Variants in ATAD5 observed in about 807,000 individuals in gnomAD.
ATAD5 encodes ATPase family AAA domain-containing protein 5.
A neutral mutation model predicts 176.9 loss-of-function variants in ATAD5; 58 were observed. That is an observed-to-expected ratio of 0.33 (90% CI 0.27 to 0.41). The LOEUF is 0.41. Ranked by LOEUF, ATAD5 falls within the 10% of genes least tolerant of loss-of-function variation. The pLI is 1.00. For synonymous variants in ATAD5, 640 were observed against 712.6 expected (o/e 0.90, Z 1.62); for missense variants, 1,789 against 2,094.1 (o/e 0.85, Z 2.84).
intron 2 of ATAD5, 43 bp downstream of exon 2, chr17:30,836,091 A>G (rs770944295): frequency 2.7e-6 from 4 of 1,459,182 alleles, no homozygotes; most frequent in Admixed American, 4.7e-5. Flanking sequence ...TTCTGCATGT[A>G]TTATTAGCTG....
chr17:30,878,718 G>GGTTT (rs1908812554), intron 17 of ATAD5, among the ~76,000 whole-genome samples: 4 of 56,838 alleles, frequency 7.0e-5, no homozygotes, highest in East Asian at 6.8e-4. Context: ...GTTAGGTGGT[G>GGTTT]TTTTTTTTTT....
chr17:30,885,790 T>C (rs1909293159), intron 18 of ATAD5, among the ~76,000 whole-genome samples: 1 of 151,792 alleles, frequency 6.6e-6, no homozygotes, highest in South Asian at 2.1e-4. Context: ...AGTGCCACCA[T>C]GCCTGGCTAA....
intron 12 of ATAD5, 60 bp from the exon 13 acceptor site, chr17:30,869,188 A>T: frequency 1.3e-6 from 2 of 1,537,326 alleles, no homozygotes; most frequent in South Asian, 2.5e-5. Context: ...ACTGGGTTTC[A>T]TAAGGTAGAA....
At chr17:30,885,518 T>C (rs1909262068) in intron 18 of ATAD5, among the ~76,000 whole-genome samples, 1 of 152,186 alleles carries the variant, frequency 6.6e-6, no homozygotes, top group Admixed American at 6.6e-5. Flanking sequence ...GTACTTGATC[T>C]TAGATGGAAA....
chr17:30,854,233 TTA>T (rs918756977), intron 6 of ATAD5, among the ~76,000 whole-genome samples: 1 of 147,188 alleles, frequency 6.8e-6, no homozygotes, highest in African/African-American at 2.5e-5. Context: ...AATTATATAA[TTA>T]TATTTTATAG....
In ATAD5 at chr17:30,834,993, T is replaced by C. The variant is rs1320552096; in HGVS notation, c.912T>C (p.Tyr304=). 1.2e-6 allele frequency: 2 copies of C among 1,614,036 alleles called. No individual in the cohort carries two copies. The highest frequency in any genetic ancestry group is 2.2e-5 in the South Asian group (2 of 91,040). ...TCGACGAAATAGTCAAAAGTGGTTATATAAGTGAATCAGAAAACTCCGAAA... is the reference window on the plus strand; with the variant it reads ...TCGACGAAATAGTCAAAAGTGGTTACATAAGTGAATCAGAAAACTCCGAAA... ...ETVDEIVKSG[Y]ISESENSEIS... is the part of the protein sequence containing the mutation. The change falls in exon 2 of 23, where the codon TAT becomes TAC. Residue 304 remains tyrosine, a synonymous_variant. Transcript: ENST00000321990.
In ATAD5 at chr17:30,895,287, T is replaced by A. The variant is rs1035587397; in HGVS notation, c.*374T>A. ...CTAACATTAGTGTCACTAAAGTTGG[T>A]ATACAATCTCCCACTGCTAAATTTG... On this transcript the variant is annotated 3_prime_UTR_variant, in exon 23 of 23. Transcript: ENST00000321990. 3.2e-5 allele frequency: 5 copies of A among 156,548 alleles called. No individual in the cohort carries two copies. Among genetic ancestry groups the A allele is most frequent in the Non-Finnish European group, 5.6e-5 (4 of 71,178 alleles). The allele number at this position is 156,548 out of a possible 1,614,324, so 9.7% of individuals were successfully genotyped here. A position where few individuals can be genotyped will look rare whatever the true frequency, so the allele number is the denominator to read the frequency against.
intron 10 of ATAD5, among the ~76,000 whole-genome samples, chr17:30,863,336 C>T (rs1171307421): frequency 6.6e-6 from 1 of 151,822 alleles, no homozygotes; most frequent in East Asian, 1.9e-4. Flanking sequence ...GCTGGGATTA[C>T]AGGAGCCCAC....
At chr17:30,892,145 C>A (rs1477094611) in intron 19 of ATAD5, among the ~76,000 whole-genome samples, 1 of 151,980 alleles carries the variant, frequency 6.6e-6, no homozygotes, top group Non-Finnish European at 1.5e-5. Flanking sequence ...ATGCTTATGG[C>A]CAGGCGCAGT....
intron 6 of ATAD5, among the ~76,000 whole-genome samples, chr17:30,854,335 AATTT>A (rs942665505): frequency 6.8e-6 from 1 of 147,128 alleles, no homozygotes; most frequent in African/African-American, 2.5e-5. Context: ...TAATTTATTG[AATTT>A]ATTTAATACA....
intron 9 of ATAD5, 57 bp from the exon 10 acceptor site, chr17:30,860,376 A>G: frequency 6.5e-7 from 1 of 1,528,442 alleles, no homozygotes; most frequent in Non-Finnish European, 8.8e-7. Context: ...AGTGATATTA[A>G]TATTACTGGT....
chr17:30,847,344 A>AGAGAGAGAGAGAGAGG (rs1906575541), intron 6 of ATAD5, among the ~76,000 whole-genome samples: 1 of 151,938 alleles, frequency 6.6e-6, no homozygotes, highest in African/African-American at 2.4e-5. Flanking sequence ...AGAGAGAGAG[A>AGAGAGAGAGAGAGAGG]GAGAGAGATG....
chr17:30,840,195 T>TAAAAA (rs55696194), intron 3 of ATAD5, among the ~76,000 whole-genome samples: 6 of 106,052 alleles, frequency 5.7e-5, no homozygotes, highest in Admixed American at 1.0e-4. Context: ...TAGACTCTGT[T>TAAAAA]AAAAAAAAAA....
At chr17:30,864,692 T>C (rs550869207) in intron 10 of ATAD5, 5 of 152,334 alleles carry the variant, frequency 3.3e-5, no homozygotes, top group African/African-American at 1.2e-4. Flanking sequence ...CATCTTTATG[T>C]CCATGTGTAC....
At chr17:30,882,943 G>A (rs1385422239) in intron 18 of ATAD5, among the ~76,000 whole-genome samples, 2 of 152,098 alleles carry the variant, frequency 1.3e-5, no homozygotes, top group African/African-American at 4.8e-5. Context: ...AAAATGCTCT[G>A]TAATTAGATA....
rs9908776 is a variant in ATAD5 at position 30,883,285 on chromosome 17, C to T, written c.4077+3798C>T. On this transcript the variant is annotated intron_variant, in intron 18 of 22. Coordinates refer to ENST00000321990, the MANE Select transcript of ATAD5 (RefSeq NM_024857.5). ...GACCATAGGCATGTGCCACCACGCC[C>T]AGCTAATTAAAAAAATTTTTTTGTA... 3.3e-3 allele frequency among the ~76,000 whole-genome samples: 508 copies of T among 151,998 alleles called. 3 individuals carry two copies. The highest frequency in any genetic ancestry group is 0.012 in the African/African-American group (490 of 41,448).
Position 30,834,489 on chromosome 17 carries a change from T to C in ATAD5, c.408T>C (p.Ile136=). The change falls in exon 2 of 23, where the codon ATT becomes ATC. Residue 136 remains isoleucine, a synonymous_variant. Coordinates refer to ENST00000321990, the MANE Select transcript of ATAD5 (RefSeq NM_024857.5). The part of the protein sequence containing the change: ...IKTENEAPIE[I]SSDDSKEDYS... ...CTGAAAATGAAGCTCCAATTGAAAT[T>C]AGTAGCGACGATAGCAAAGAAGACT... The C allele has an allele frequency of 7.6e-6, 12 of 1,585,494 alleles. No homozygotes were observed. The highest frequency in any genetic ancestry group is 1.0e-5 in the Non-Finnish European group (12 of 1,170,006).
chr17:30,840,672 A>T lies in ATAD5; in HGVS notation c.2132A>T (p.Lys711Ile). ...SKAKQLIEKA[K>I]ALHISRSKVT... Reference sequence around the variant, plus strand: ...GCAAAACAATTGATTGAAAAAGCAAAAGCTTTACACATCAGTAGGTCAAAG... The same window carrying T: ...GCAAAACAATTGATTGAAAAAGCAATAGCTTTACACATCAGTAGGTCAAAG... The change falls in exon 4 of 23, where the codon AAA becomes ATA. Residue 711 changes from lysine to isoleucine, a missense_variant. Transcript: ENST00000321990. 1 of 1,592,368 alleles carries T rather than the reference A, an allele frequency of 6.3e-7. No individual in the cohort carries two copies. Among genetic ancestry groups the T allele is most frequent in the East Asian group, 2.3e-5 (1 of 43,864 alleles).
At chr17:30,894,264 A>G (rs1433137665) in intron 21 of ATAD5, 114 bp downstream of exon 21, 1 of 935,694 alleles carries the variant, frequency 1.1e-6, no homozygotes, top group African/African-American at 1.7e-5. Context: ...TAAGCCCTTA[A>G]CATTAATAAT....
Sources: gnomAD v4.1 joint callset for allele counts (sites outside exome capture counted in the v4.1 genomes callset) on GRCh38, gnomAD v4.1.1 for gene constraint, MANE v1.5 for transcripts, NCBI Gene and HGNC (gene_info 2026-07-23, HGNC 2026-07-21) for gene names.